Variants in NLRP9 observed in about 807,000 individuals in gnomAD.
NLRP9 encodes the protein NACHT, LRR and PYD domains-containing protein 9.
A neutral mutation model predicts 83.1 loss-of-function variants in NLRP9; 88 were observed. The observed-to-expected ratio is 1.06, with a 90% confidence interval of 0.89 to 1.26. The LOEUF is 1.26. Among genes scored for constraint, NLRP9 ranks in the 50% most tolerant of loss-of-function variants. The pLI is 0.00. For synonymous variants in NLRP9, 521 were observed against 447.6 expected, an observed-to-expected ratio of 1.16 and a Z score of -2.07; for missense variants, 1,308 against 1,179.3, an observed-to-expected ratio of 1.11 and a Z score of -1.60.
intron 4 of NLRP9, among the ~76,000 whole-genome samples, chr19:55,718,624 C>A (rs183931451): frequency 6.6e-6 from 1 of 152,202 alleles, no homozygotes; most frequent in African/African-American, 2.4e-5. Context: ...CAGATTCCTT[C>A]GCTCACATGT....
chr19:55,730,751 C>T (rs1163903194), intron 2 of NLRP9, among the ~76,000 whole-genome samples: 1 of 152,040 alleles, frequency 6.6e-6, no homozygotes, highest in East Asian at 1.9e-4. Context: ...ACACTGGGGC[C>T]TGTTGGAGTG....
intron 1 of NLRP9, among the ~76,000 whole-genome samples, chr19:55,733,918 A>ATTTTTTTTTTTTT (rs1423854158): frequency 1.7e-5 from 2 of 118,058 alleles, no homozygotes; most frequent in African/African-American, 7.3e-5. Context: ...TTGTCAACCA[A>ATTTTTTTTTTTTT]ATTTTTTTTT....
chr19:55,718,755 C>T lies in NLRP9; in HGVS notation c.2160-1857G>A, dbSNP rs74529864. 1.4e-3 allele frequency among the ~76,000 whole-genome samples: 214 copies of T among 152,352 alleles called. 2 individuals are homozygous for T. The highest frequency in any genetic ancestry group is 0.012 in the East Asian group (60 of 5,186). ...ACCAGCGCCAGTGCGGGTCCTCGCACGTTAAGCGTCTGTCCCCTGGGCCCA... is the reference window on the plus strand; with the variant it reads ...ACCAGCGCCAGTGCGGGTCCTCGCATGTTAAGCGTCTGTCCCCTGGGCCCA... On this transcript the variant is annotated intron_variant, in intron 4 of 8. Transcript: ENST00000332836.
chr19:55,711,601 A>C, intron 8 of NLRP9, 199 bp downstream of exon 8: 1 of 868,374 alleles, frequency 1.2e-6, no homozygotes, highest in Non-Finnish European at 1.8e-6. Flanking sequence ...GCAACTCATG[A>C]GAAAGGCCGA....
intron 1 of NLRP9, among the ~76,000 whole-genome samples, chr19:55,733,919 A>AATT (rs1555796186): frequency 1.7e-5 from 2 of 117,872 alleles, no homozygotes; most frequent in African/African-American, 3.6e-5. Flanking sequence ...TGTCAACCAA[A>AATT]TTTTTTTTTT....
chr19:55,732,098 A>G lies in NLRP9; in HGVS notation c.1733T>C (p.Leu578Ser). The change falls in exon 2 of 9, where the codon TTG (leucine) becomes TCG (serine). Residue 578 changes from leucine (L) to serine (S), a missense_variant. Transcript: ENST00000332836. ...VFIYIGNIEH[L>S]VIASFCLKHC... The stretch of plus-strand genomic sequence containing the variant: ...CTTCAGGCAGAATGAAGCTATTACC[A>G]AATGTTCTATGTTACCAATATAAAT... 1 of 1,611,970 alleles carries G rather than the reference A, an allele frequency of 6.2e-7. No homozygotes were observed. The highest frequency in any genetic ancestry group is 1.1e-5 in the South Asian group (1 of 90,396).
At chr19:55,711,759 T>C (rs1195800434) in intron 8 of NLRP9, 41 bp downstream of exon 8, 1 of 1,597,118 alleles carries the variant, frequency 6.3e-7, no homozygotes, top group Non-Finnish European at 8.6e-7. Flanking sequence ...ACTAAGCTCG[T>C]TCTGAAGTCA....
chr19:55,718,763 G>A (rs117899701), intron 4 of NLRP9, among the ~76,000 whole-genome samples: 2,780 of 152,302 alleles, frequency 0.018, 36 homozygotes, highest in South Asian at 0.03. Flanking sequence ...CACGTTAAGC[G>A]TCTGTCCCCT....
At chr19:55,733,737 G>A (rs1202761131) in intron 1 of NLRP9, among the ~76,000 whole-genome samples, 187 bp from the exon 2 acceptor site, 1 of 152,030 alleles carries the variant, frequency 6.6e-6, no homozygotes, top group Non-Finnish European at 1.5e-5. Context: ...ATACTTCCTT[G>A]TACCTCTCCA....
Position 55,711,878 on chromosome 19 carries a change from C to G in NLRP9, c.2765G>C (p.Trp922Ser). Reference protein sequence around the residue: ...CKTLRSLNLDWIALDADAVVV... With the variant: ...CKTLRSLNLDSIALDADAVVV... ...CACTGCATCAGCATCCAAGGCAATC[C>G]AGTCGAGGTTCAGGCTCCTCAGTGT... Residue 922 changes from tryptophan (W) to serine (S), a missense_variant, in exon 8 of 9, where the codon TGG (tryptophan) becomes TCG (serine). Coordinates refer to ENST00000332836, the MANE Select transcript of NLRP9 (RefSeq NM_176820.4). 1 of 1,613,380 alleles carries G rather than the reference C, an allele frequency of 6.2e-7. No homozygotes were observed. Among genetic ancestry groups the G allele is most frequent in the East Asian group, 2.2e-5 (1 of 44,868 alleles).
In NLRP9 at chr19:55,733,453, T is replaced by C; in HGVS notation, c.378A>G (p.Glu126=). Residue 126 remains glutamate (E), a synonymous_variant, in exon 2 of 9, where the codon GAA becomes GAG. Transcript: ENST00000332836. ...ATTCTTTATACTCATTTTTCATGGT[T>C]TCTTTGTAGAAATGCTCAGGGACGT... ...CLHVPEHFYK[E]TMKNEYKELN... 3.7e-6 allele frequency: 6 copies of C among 1,614,004 alleles called. No individual in the cohort carries two copies. Among genetic ancestry groups the C allele is most frequent in the Non-Finnish European group, 5.1e-6 (6 of 1,179,900 alleles).
chr19:55,724,401 C>T (rs1035167221), intron 3 of NLRP9, among the ~76,000 whole-genome samples: 4 of 151,950 alleles, frequency 2.6e-5, no homozygotes, highest in African/African-American at 9.7e-5. Context: ...AGAAGGAGAA[C>T]GAGTCAGCCG....
chr19:55,723,523 G>A (rs1334456069), intron 4 of NLRP9, among the ~76,000 whole-genome samples: 1 of 151,946 alleles, frequency 6.6e-6, no homozygotes, highest in South Asian at 2.1e-4. Context: ...GACCACGAGT[G>A]CAAGATCAGC....
intron 7 of NLRP9, 75 bp downstream of exon 7, chr19:55,712,345 T>C (rs1199636056): frequency 2.3e-6 from 3 of 1,294,430 alleles, no homozygotes; most frequent in Admixed American, 1.9e-5. Flanking sequence ...CTCCCTTCCA[T>C]TCTATTGACC....
intron 6 of NLRP9, among the ~76,000 whole-genome samples, chr19:55,714,818 C>G (rs529664312): frequency 1.3e-5 from 2 of 152,208 alleles, no homozygotes; most frequent in South Asian, 4.1e-4. Context: ...GTGGAAGGGG[C>G]AGAAGAGTCT....
At chr19:55,734,116 A>G (rs944967970) in intron 1 of NLRP9, among the ~76,000 whole-genome samples, 21 of 151,402 alleles carry the variant, frequency 1.4e-4, no homozygotes, top group Admixed American at 3.3e-4. Context: ...GTAGAGACGG[A>G]GTTTCACCGT....
At chr19:55,718,655 C>T (rs1211687962) in intron 4 of NLRP9, among the ~76,000 whole-genome samples, 1 of 152,254 alleles carries the variant, frequency 6.6e-6, no homozygotes, top group Non-Finnish European at 1.5e-5. Flanking sequence ...ACCCTCTCCC[C>T]ACCTGTTGCC....
Position 55,732,835 on chromosome 19 carries a change from G to C in NLRP9, c.996C>G (p.Ile332Met). The change falls in exon 2 of 9, where the codon ATC (isoleucine) becomes ATG (methionine). Residue 332 changes from isoleucine to methionine, a missense_variant. Coordinates refer to ENST00000332836, the MANE Select transcript of NLRP9 (RefSeq NM_176820.4). ...NFVRDNGPLF[I>M]LCHNPFTCWL... Reference sequence around the variant, plus strand: ...AGCACGTAAAGGGATTATGGCACAAGATAAACAGCGGCCCATTATCTCTCA... The same window carrying C: ...AGCACGTAAAGGGATTATGGCACAACATAAACAGCGGCCCATTATCTCTCA... 1 of 1,614,150 alleles carries C rather than the reference G, an allele frequency of 6.2e-7. No individual in the cohort carries two copies. Among genetic ancestry groups the C allele is most frequent in the Non-Finnish European group, 8.5e-7 (1 of 1,180,022 alleles).
intron 3 of NLRP9, among the ~76,000 whole-genome samples, chr19:55,726,495 G>A (rs950582252): frequency 6.6e-6 from 1 of 152,146 alleles, no homozygotes; most frequent in Non-Finnish European, 1.5e-5. Context: ...ATTAAGGACC[G>A]CTGGAGGTAT....
Sources: gnomAD v4.1 joint callset for allele counts (sites outside exome capture counted in the v4.1 genomes callset) on GRCh38, gnomAD v4.1.1 for gene constraint, MANE v1.5 for transcripts, NCBI Gene and HGNC (gene_info 2026-07-23, HGNC 2026-07-21) for gene names.